TACC2: variants seen among roughly 807,000 people sequenced by gnomAD.
TACC2 encodes the protein transforming acidic coiled-coil-containing protein 2.
In TACC2, 137 loss-of-function variants were observed where a neutral mutation model predicts 227.3. The ratio of observed to expected loss-of-function variants is 0.60; its 90% CI spans 0.52 to 0.69. The LOEUF (loss-of-function observed/expected upper bound fraction) is 0.69, where lower values mean the gene tolerates loss of function less well. Ranked by LOEUF, TACC2 falls within the 30% of genes least tolerant of loss-of-function variation. The pLI is 0.00. For missense variants in TACC2, 3,470 were observed against 3,694.4 expected, an observed-to-expected ratio of 0.94 and a Z score of 1.57; for synonymous variants, 1,523 against 1,487.5, an observed-to-expected ratio of 1.02 and a Z score of -0.55.
intron 5 of TACC2, among the ~76,000 whole-genome samples, chr10:122,105,305 G>A (rs2082624770): frequency 6.6e-6 from 1 of 152,184 alleles, no homozygotes; most frequent in African/African-American, 2.4e-5. Context: ...TACCCAGCCA[G>A]CCTTGGATGC....
chr10:122,127,806 G>T (rs1227215746), intron 5 of TACC2, among the ~76,000 whole-genome samples: 1 of 152,210 alleles, frequency 6.6e-6, no homozygotes, highest in Non-Finnish European at 1.5e-5. Flanking sequence ...AGGGCCCGGA[G>T]CTGACAGCAC....
At chr10:122,224,915 G>A (rs1293919186) in intron 12 of TACC2, 128 bp downstream of exon 12, 3 of 764,492 alleles carry the variant, frequency 3.9e-6, no homozygotes, top group East Asian at 2.4e-5. Context: ...ACAGCTTCCC[G>A]GGTGCACAGC....
intron 18 of TACC2, among the ~76,000 whole-genome samples, chr10:122,241,230 G>C (rs559285743): frequency 5.3e-5 from 8 of 152,178 alleles, no homozygotes; most frequent in Non-Finnish European, 1.0e-4. Context: ...AGATGGATGA[G>C]GGAGGTTGGG....
intron 5 of TACC2, among the ~76,000 whole-genome samples, chr10:122,125,879 C>T (rs932910379): frequency 3.4e-5 from 5 of 148,056 alleles, no homozygotes; most frequent in Non-Finnish European, 7.4e-5. Context: ...CAGGTTCAAG[C>T]GATTCTCCTG....
chr10:122,000,404 A>T (rs987370076), intron 1 of TACC2, among the ~76,000 whole-genome samples: 2 of 152,104 alleles, frequency 1.3e-5, no homozygotes, highest in Non-Finnish European at 2.9e-5. Context: ...AGAAAATGCA[A>T]ATCAAAACTA....
rs538906698 is a variant in TACC2, at chr10:122,231,421, A to T, written c.8127+981A>T. ...TTGCCGTTCGTGAGATGAGGCCAAT[A>T]ATAGCCAGTGTACAGGTTGCTGTGA... is the stretch of plus-strand genomic sequence containing the variant. On this transcript the variant is annotated intron_variant, in intron 16 of 22. Transcript: ENST00000369005. 4.6e-5 allele frequency among the ~76,000 whole-genome samples: 7 copies of T among 152,314 alleles called. No individual in the cohort carries two copies. In the South Asian group the frequency reaches 1.2e-3, roughly 27 times the overall value.
intron 2 of TACC2, among the ~76,000 whole-genome samples, chr10:122,043,812 G>T (rs1384160923): frequency 6.6e-6 from 1 of 152,114 alleles, no homozygotes; most frequent in Admixed American, 6.5e-5. Context: ...ACTCCTGACC[G>T]CAAGTGATCT....
intron 5 of TACC2, among the ~76,000 whole-genome samples, chr10:122,108,055 C>T (rs1201680796): frequency 6.6e-6 from 1 of 151,432 alleles, no homozygotes; most frequent in Non-Finnish European, 1.5e-5. Flanking sequence ...CCACGCCCGG[C>T]TAATTTTTTG....
intron 5 of TACC2, among the ~76,000 whole-genome samples, chr10:122,124,288 C>T (rs983143154): frequency 6.6e-6 from 1 of 152,180 alleles, no homozygotes; most frequent in Non-Finnish European, 1.5e-5. Flanking sequence ...CATGAAGCCT[C>T]TGGAACAACT....
At chr10:122,011,563 C>T (rs1591014681) in intron 1 of TACC2, among the ~76,000 whole-genome samples, 1 of 152,134 alleles carries the variant, frequency 6.6e-6, no homozygotes. Context: ...CTCTTCACCT[C>T]GTGATCTGCC....
At chr10:122,199,238 C>G (rs1175645599) in intron 8 of TACC2, among the ~76,000 whole-genome samples, 2 of 152,256 alleles carry the variant, frequency 1.3e-5, no homozygotes, top group African/African-American at 4.8e-5. Context: ...TATACAGATT[C>G]ACAGCCACCA....
chr10:122,248,844 T>C (rs1373252097), intron 20 of TACC2, 41 bp downstream of exon 20: 2 of 1,610,706 alleles, frequency 1.2e-6, no homozygotes, highest in Non-Finnish European at 1.7e-6. Flanking sequence ...GAGGATCTGA[T>C]TGGGAGAGAT....
chr10:122,059,714 C>T (rs932709763), intron 3 of TACC2, among the ~76,000 whole-genome samples: 18 of 152,236 alleles, frequency 1.2e-4, no homozygotes, highest in African/African-American at 3.9e-4. Flanking sequence ...AGCAAGGAAA[C>T]AAATAGAACA....
intron 6 of TACC2, among the ~76,000 whole-genome samples, chr10:122,135,173 G>C (rs1165166604): frequency 6.6e-6 from 1 of 152,130 alleles, no homozygotes; most frequent in Non-Finnish European, 1.5e-5. Flanking sequence ...AGCAGCTCTG[G>C]CCCGGCTGCC....
At chr10:122,181,083 A>G (rs1336108805) in intron 7 of TACC2, among the ~76,000 whole-genome samples, 1 of 117,236 alleles carries the variant, frequency 8.5e-6, no homozygotes, top group Non-Finnish European at 1.9e-5. Context: ...GCCTAGAACA[A>G]ACAATGCCAG....
At chr10:122,172,973 G>A (rs1364238920) in intron 7 of TACC2, among the ~76,000 whole-genome samples, 1 of 152,212 alleles carries the variant, frequency 6.6e-6, no homozygotes, top group Non-Finnish European at 1.5e-5. Context: ...GGGGCCTAAA[G>A]AGGTGTTTCT....
At chr10:122,030,204 C>T (rs1426561488) in intron 2 of TACC2, among the ~76,000 whole-genome samples, 1 of 152,132 alleles carries the variant, frequency 6.6e-6, no homozygotes. Flanking sequence ...ACTTCTTTAA[C>T]CTGAGATGAA....
At position 122,083,634 on chromosome 10, in the gene TACC2, A is replaced by G. The variant is rs762162854; in HGVS notation, c.1134A>G (p.Thr378=). The part of the protein sequence containing the change: ...DTIDVQGHPQ[T]GMRGTKPNQV... ...TTGATGTTCAGGGTCACCCACAGAC[A>G]GGGATGCGAGGAACCAAGCCCAATC... The change falls in exon 4 of 23, where the codon ACA becomes ACG. Residue 378 remains threonine (T), a synonymous_variant. Transcript: ENST00000369005. 2.0e-5 allele frequency: 32 copies of G among 1,611,150 alleles called. No homozygotes were observed. In the South Asian group the frequency reaches 3.3e-4, roughly 17 times the overall value.
chr10:122,125,776 C>CCTTTTT (rs749526492), intron 5 of TACC2, among the ~76,000 whole-genome samples: 5 of 117,208 alleles, frequency 4.3e-5, no homozygotes, highest in East Asian at 5.3e-4. Context: ...AATATCCTTC[C>CCTTTTT]TTTTTTTTTT....
Sources: allele counts gnomAD v4.1 joint callset (sites outside exome capture counted in the v4.1 genomes callset), GRCh38; gene constraint gnomAD v4.1.1; transcripts MANE v1.5; gene names NCBI Gene and HGNC (gene_info 2026-07-23, HGNC 2026-07-21).